PDE1A: variants seen among roughly 807,000 people sequenced by gnomAD.
PDE1A encodes the protein phosphodiesterase 1A.
PDE1A carries 35 observed loss-of-function variants against 61.7 expected under a neutral mutation model. The observed-to-expected ratio is 0.57, with a 90% CI of 0.43 to 0.75. PDE1A has a LOEUF of 0.75. Among genes scored for constraint, PDE1A ranks in the 30% least tolerant of loss-of-function variants. The pLI, the probability that PDE1A is intolerant of heterozygous loss-of-function variation, is 0.00. For missense variants in PDE1A, 597 were observed against 630.6 expected (o/e 0.95, Z 0.57); for synonymous variants, 232 against 213.2 (o/e 1.09, Z -0.77).
At chr2:182,416,243 T>C (rs114459104) in intron 1 of PDE1A, among the ~76,000 whole-genome samples, 3,428 of 152,324 alleles carry the variant, frequency 0.023, 58 homozygotes, top group South Asian at 0.048. Context: ...TAACTGTCTA[T>C]TTCTCACTAA....
At chr2:182,337,345 T>C (rs894625818) in intron 1 of PDE1A, among the ~76,000 whole-genome samples, 3 of 152,218 alleles carry the variant, frequency 2.0e-5, no homozygotes, top group African/African-American at 7.2e-5. Flanking sequence ...AAACATTATA[T>C]GAAACATACT....
intron 1 of PDE1A, among the ~76,000 whole-genome samples, chr2:182,383,760 G>A (rs572478606): frequency 3.3e-5 from 5 of 152,218 alleles, no homozygotes; most frequent in South Asian, 2.1e-4. Flanking sequence ...GATATAATAC[G>A]GAGGATGGGA....
chr2:182,235,444 C>G (rs527432420), intron 3 of PDE1A, among the ~76,000 whole-genome samples: 120 of 152,252 alleles, frequency 7.9e-4, no homozygotes, highest in African/African-American at 2.6e-3. Context: ...GCCCAGCCAA[C>G]AAAACTGTTT....
At chr2:182,231,697 C>T (rs773183265) in intron 4 of PDE1A, among the ~76,000 whole-genome samples, 95 of 151,980 alleles carry the variant, frequency 6.3e-4, no homozygotes, top group Non-Finnish European at 9.7e-4. Flanking sequence ...GGGCCAATCA[C>T]GAGGTCAGGA....
the PDE1A span, among the ~76,000 whole-genome samples, chr2:182,614,469 ATAT>A: frequency 3.3e-5 from 5 of 151,976 alleles, no homozygotes; most frequent in East Asian, 3.8e-4. Flanking sequence ...TCAGTTTTGA[ATAT>A]TATTATATGA....
chr2:182,162,858 T>C (rs1691456628), intron 13 of PDE1A, among the ~76,000 whole-genome samples: 1 of 152,130 alleles, frequency 6.6e-6, no homozygotes, highest in African/African-American at 2.4e-5. Flanking sequence ...TCAAAATGCA[T>C]TATTGAAATA....
intron 2 of PDE1A, among the ~76,000 whole-genome samples, chr2:182,434,968 C>G (rs2125650631): frequency 6.6e-6 from 1 of 152,082 alleles, no homozygotes; most frequent in African/African-American, 2.4e-5. Flanking sequence ...TCATTTAAAT[C>G]CATCAGAAAC....
chr2:182,594,535 C>T, the PDE1A span, among the ~76,000 whole-genome samples: 1 of 152,168 alleles, frequency 6.6e-6, no homozygotes, highest in African/African-American at 2.4e-5. Flanking sequence ...TCCTCAAATT[C>T]TTTTTGACTA....
the PDE1A span, among the ~76,000 whole-genome samples, chr2:182,630,192 G>A: frequency 6.6e-6 from 1 of 151,556 alleles, no homozygotes; most frequent in Non-Finnish European, 1.5e-5. Flanking sequence ...TTTCCCCCTA[G>A]TTTATACTTA....
chr2:182,362,973 C>T (rs995666044), intron 1 of PDE1A, among the ~76,000 whole-genome samples: 3 of 151,858 alleles, frequency 2.0e-5, no homozygotes, highest in African/African-American at 7.3e-5. Flanking sequence ...AAACAGAAAA[C>T]CAAATACCAC....
At chr2:182,683,907 G>T in the PDE1A span, among the ~76,000 whole-genome samples, 1 of 151,972 alleles carries the variant, frequency 6.6e-6, no homozygotes, top group Non-Finnish European at 1.5e-5. Flanking sequence ...ATCACCTGAG[G>T]TCAGGAGATC....
intron 2 of PDE1A, among the ~76,000 whole-genome samples, chr2:182,491,703 T>C (rs975494103): frequency 1.3e-5 from 2 of 152,198 alleles, no homozygotes; most frequent in Non-Finnish European, 2.9e-5. Context: ...TGTGGTTTTA[T>C]GAGATAGAAT....
intron 2 of PDE1A, among the ~76,000 whole-genome samples, chr2:182,484,118 C>T (rs1320821848): frequency 6.6e-6 from 1 of 151,750 alleles, no homozygotes; most frequent in Non-Finnish European, 1.5e-5. Flanking sequence ...AAATTCTTCC[C>T]ACAGAGGAAA....
chr2:182,473,214 A>G (rs947470189), intron 2 of PDE1A, among the ~76,000 whole-genome samples: 1 of 151,974 alleles, frequency 6.6e-6, no homozygotes, highest in African/African-American at 2.4e-5. Flanking sequence ...GGACACAGGC[A>G]TGGGCAAGGA....
chr2:182,147,074 C>T (rs767816237), exon 14 of PDE1A: 45 of 1,585,972 alleles, frequency 2.8e-5, no homozygotes, highest in Non-Finnish European at 3.5e-5. Flanking sequence ...TAAGGTGTTT[C>T]GGGCCTATGA....
chr2:182,363,270 AC>A (rs1433313027), intron 1 of PDE1A, among the ~76,000 whole-genome samples: 1 of 152,042 alleles, frequency 6.6e-6, no homozygotes, highest in East Asian at 1.9e-4. Flanking sequence ...GTAACTAATA[AC>A]ATGCATATAT....
chr2:182,385,675 AAAAGAAAG>A (rs139934813), intron 1 of PDE1A, among the ~76,000 whole-genome samples: 2 of 101,346 alleles, frequency 2.0e-5, no homozygotes, highest in Non-Finnish European at 4.3e-5. Context: ...AAAAAGAAAG[AAAAGAAAG>A]AAAGAAAGAA....
intron 2 of PDE1A, among the ~76,000 whole-genome samples, chr2:182,446,770 C>G (rs960000483): frequency 6.6e-6 from 1 of 151,978 alleles, no homozygotes; most frequent in African/African-American, 2.4e-5. Flanking sequence ...GAATAAAGAG[C>G]ATGAACTCTG....
At chr2:182,187,734 GTTCTT>G (rs1685334373) in intron 11 of PDE1A, among the ~76,000 whole-genome samples, 1 of 104,592 alleles carries the variant, frequency 9.6e-6, no homozygotes, top group South Asian at 3.0e-4. Context: ...TTCTTTTTTT[GTTCTT>G]TTTTTTTTTT....
Sources: gnomAD v4.1 joint callset for allele counts (sites outside exome capture counted in the v4.1 genomes callset) on GRCh38, gnomAD v4.1.1 for gene constraint, MANE v1.5 for transcripts, NCBI Gene and HGNC (gene_info 2026-07-23, HGNC 2026-07-21) for gene names.